TRPM3: variants seen among roughly 807,000 people sequenced by gnomAD.
TRPM3 encodes the protein transient receptor potential cation channel subfamily M member 3.
Under a neutral mutation model 181.2 loss-of-function variants are expected in TRPM3, and 77 were observed. The ratio of observed to expected loss-of-function variants is 0.42; its 90% confidence interval spans 0.35 to 0.51. The LOEUF (loss-of-function observed/expected upper bound fraction) is 0.51, where lower values mean the gene tolerates loss of function less well. TRPM3 is among the 20% of genes least tolerant of loss of function. TRPM3 has a pLI of 0.01. For missense variants in TRPM3, 1,759 were observed against 2,196.7 expected, an observed-to-expected ratio of 0.80 and a Z score of 3.98; for synonymous variants, 745 against 796.4, an observed-to-expected ratio of 0.94 and a Z score of 1.09.
intron 1 of TRPM3, among the ~76,000 whole-genome samples, chr9:71,427,111 C>G (rs931669993): frequency 6.6e-6 from 1 of 152,128 alleles, no homozygotes; most frequent in Non-Finnish European, 1.5e-5. Flanking sequence ...TACCTTAGAA[C>G]AATAATGCCT....
Position 71,196,687 on chromosome 9 carries a change from A to G in TRPM3, c.183+249966T>C, listed in dbSNP as rs182118801. Among the ~76,000 whole-genome samples, 14 of 152,122 alleles carry G rather than the reference A, an allele frequency of 9.2e-5. No individual in the cohort carries two copies. In the East Asian group the frequency reaches 2.5e-3, roughly 27 times the overall value. Reference sequence around the variant, plus strand: ...TCCTGTTAAACTAAATTTAGATCTAATAACAGGGAACTTCTTTTTCTTTCC... The same window carrying G: ...TCCTGTTAAACTAAATTTAGATCTAGTAACAGGGAACTTCTTTTTCTTTCC... On this transcript the variant is annotated intron_variant, in intron 1 of 24. Coordinates refer to the TRPM3 transcript ENST00000357533.
At chr9:70,671,153 T>C (rs1056120549) in intron 9 of TRPM3, among the ~76,000 whole-genome samples, 4 of 152,244 alleles carry the variant, frequency 2.6e-5, no homozygotes, top group Non-Finnish European at 5.9e-5. Flanking sequence ...TTTTGTTAAG[T>C]GCTTTGCTTG....
At chr9:71,099,818 C>G (rs879464706) in intron 1 of TRPM3, among the ~76,000 whole-genome samples, 1 of 152,130 alleles carries the variant, frequency 6.6e-6, no homozygotes, top group African/African-American at 2.4e-5. Context: ...CATTATTACT[C>G]CCTTTACAGA....
intron 1 of TRPM3, among the ~76,000 whole-genome samples, chr9:70,976,286 T>G (rs920788104): frequency 6.6e-6 from 1 of 152,118 alleles, no homozygotes; most frequent in African/African-American, 2.4e-5. Flanking sequence ...TTATTCACTG[T>G]GAAGGAAAAC....
At chr9:71,087,616 G>T (rs1296520353) in intron 1 of TRPM3, among the ~76,000 whole-genome samples, 2 of 151,970 alleles carry the variant, frequency 1.3e-5, no homozygotes, top group African/African-American at 4.8e-5. Context: ...GTACCTCACT[G>T]CATGACTGGG....
chr9:70,775,250 T>C (rs899675939), intron 7 of TRPM3: 1 of 152,192 alleles, frequency 6.6e-6, no homozygotes, highest in African/African-American at 2.4e-5. Flanking sequence ...ATTTGTGGGT[T>C]TTAAAGCCCT....
At chr9:70,947,837 T>C (rs1024102357) in intron 1 of TRPM3, among the ~76,000 whole-genome samples, 2 of 152,204 alleles carry the variant, frequency 1.3e-5, no homozygotes, top group Non-Finnish European at 2.9e-5. Context: ...AGATTGTAGC[T>C]TTGGATTTTA....
chr9:71,357,843 GA>G (rs2091970319), intron 1 of TRPM3, among the ~76,000 whole-genome samples: 1 of 151,798 alleles, frequency 6.6e-6, no homozygotes, highest in African/African-American at 2.4e-5. Context: ...CTTTTCCTAT[GA>G]ATCTGTTATG....
intron 1 of TRPM3, among the ~76,000 whole-genome samples, chr9:71,248,640 G>A (rs1390678872): frequency 1.3e-5 from 2 of 152,188 alleles, no homozygotes; most frequent in Admixed American, 6.5e-5. Flanking sequence ...CCAGAGGAGA[G>A]ATAAAGTCCC....
At position 71,006,041 on chromosome 9, in the gene TRPM3, G is replaced by A. The variant is rs75582457; in HGVS notation, c.177+115137C>T. ...AAAAGTCAAAATGTGAGGAGGGGAC[G>A]TGGTATTAAAATATAAAATTTGTCT... On this transcript the variant is annotated intron_variant, in intron 1 of 25. Transcript: ENST00000677713. Among the ~76,000 whole-genome samples the A allele has an allele frequency of 5.0e-3, 755 of 152,248 alleles. 19 individuals carry two copies. The East Asian group carries it at 0.078, about 16-fold the overall frequency.
At chr9:71,244,540 G>A (rs903329967) in intron 1 of TRPM3, among the ~76,000 whole-genome samples, 9 of 152,084 alleles carry the variant, frequency 5.9e-5, no homozygotes, top group Admixed American at 5.9e-4. Context: ...AGGGATAAAG[G>A]AATCAGTATC....
chr9:71,150,750 T>TCAC (rs1473435749), intron 1 of TRPM3, among the ~76,000 whole-genome samples: 8 of 152,206 alleles, frequency 5.3e-5, no homozygotes, highest in Admixed American at 5.2e-4. Flanking sequence ...CCTATACAAA[T>TCAC]ATGTTTATCT....
chr9:71,244,907 T>G (rs142197271), intron 1 of TRPM3, among the ~76,000 whole-genome samples: 1 of 152,228 alleles, frequency 6.6e-6, no homozygotes, highest in Non-Finnish European at 1.5e-5. Context: ...AGTGATAGAT[T>G]AGGGGAAGAG....
chr9:71,108,602 C>G (rs2070301700), intron 1 of TRPM3, among the ~76,000 whole-genome samples: 1 of 152,164 alleles, frequency 6.6e-6, no homozygotes, highest in Non-Finnish European at 1.5e-5. Flanking sequence ...TTACAAGGAA[C>G]TAGGCACTAT....
chr9:70,903,072 G>A (rs981539979), intron 1 of TRPM3, among the ~76,000 whole-genome samples: 1 of 152,110 alleles, frequency 6.6e-6, no homozygotes, highest in African/African-American at 2.4e-5. Context: ...AATTACAGCC[G>A]GAACTCTTTC....
At chr9:71,265,028 G>A (rs2083292938) in intron 1 of TRPM3, among the ~76,000 whole-genome samples, 1 of 152,064 alleles carries the variant, frequency 6.6e-6, no homozygotes, top group Non-Finnish European at 1.5e-5. Context: ...TGATAGCAAA[G>A]AAAGATATCT....
chr9:71,252,847 C>CTCTTTTTTTTTTTT (rs1554854926), intron 1 of TRPM3, among the ~76,000 whole-genome samples: 5 of 84,758 alleles, frequency 5.9e-5, no homozygotes, highest in African/African-American at 2.6e-4. Flanking sequence ...AATTTTGTCT[C>CTCTTTTTTTTTTTT]TTTTTTTTTT....
intron 5 of TRPM3, among the ~76,000 whole-genome samples, chr9:70,837,271 T>A (rs1031529215): frequency 6.6e-6 from 1 of 152,192 alleles, no homozygotes; most frequent in Non-Finnish European, 1.5e-5. Flanking sequence ...AGCAATCAAT[T>A]GTGTTATTGA....
intron 9 of TRPM3, among the ~76,000 whole-genome samples, chr9:70,667,222 A>G (rs947776566): frequency 1.1e-4 from 16 of 152,142 alleles, no homozygotes; most frequent in Non-Finnish European, 4.4e-5. Flanking sequence ...CCCCGAGAAC[A>G]TAAGTGGAAA....
Sources: allele counts gnomAD v4.1 joint callset (sites outside exome capture counted in the v4.1 genomes callset), GRCh38; gene constraint gnomAD v4.1.1; transcripts MANE v1.5; gene names NCBI Gene and HGNC (gene_info 2026-07-23, HGNC 2026-07-21).